SMARCC1: variants seen among roughly 807,000 people sequenced by gnomAD.
SMARCC1 encodes SWI/SNF related BAF chromatin remodeling complex subunit C1.
SMARCC1 carries 43 observed loss-of-function variants against 147.4 expected under a neutral mutation model. The observed-to-expected ratio is 0.29, with a 90% CI of 0.23 to 0.38. The LOEUF (loss-of-function observed/expected upper bound fraction) is 0.38. Ranked by LOEUF, SMARCC1 falls within the 10% of genes least tolerant of loss-of-function variation. SMARCC1 has a pLI of 1.00. For missense variants in SMARCC1, 1,119 were observed against 1,381.1 expected (o/e 0.81, Z 3.01); for synonymous variants, 495 against 484.4 (o/e 1.02, Z -0.29).
chr3:47,704,709 G>C (rs1338342022), intron 10 of SMARCC1, among the ~76,000 whole-genome samples: 1 of 151,988 alleles, frequency 6.6e-6, no homozygotes, highest in Non-Finnish European at 1.5e-5. Flanking sequence ...TTGAGACCAG[G>C]AGTTGGAGAC....
At chr3:47,715,698 A>G (rs80011784) in intron 7 of SMARCC1, among the ~76,000 whole-genome samples, 2,035 of 152,256 alleles carry the variant, frequency 0.013, 46 homozygotes, top group African/African-American at 0.046. Flanking sequence ...AAACCTAACG[A>G]TGGCTTGCCA....
intron 26 of SMARCC1, among the ~76,000 whole-genome samples, chr3:47,605,083 A>T (rs554974698): frequency 6.6e-6 from 1 of 152,356 alleles, no homozygotes; most frequent in Admixed American, 6.5e-5. Flanking sequence ...AAAAGGGGTA[A>T]TTTGGAAAAA....
At chr3:47,608,987 C>A (rs2032523684) in intron 26 of SMARCC1, among the ~76,000 whole-genome samples, 2 of 151,624 alleles carry the variant, frequency 1.3e-5, no homozygotes, top group African/African-American at 4.8e-5. Context: ...CAATCAGGCA[C>A]AGCCACATTG....
intron 11 of SMARCC1, among the ~76,000 whole-genome samples, chr3:47,699,394 C>T (rs2033891365): frequency 6.6e-6 from 1 of 152,122 alleles, no homozygotes; most frequent in Non-Finnish European, 1.5e-5. Flanking sequence ...TTCCTTGCAT[C>T]TTTGTCACCT....
chr3:47,679,825 G>A (rs148450652), intron 15 of SMARCC1, among the ~76,000 whole-genome samples: 5 of 140,552 alleles, frequency 3.6e-5, no homozygotes, highest in Admixed American at 1.6e-4. Context: ...TTGCAACACT[G>A]CACTCCAGTC....
chr3:47,717,883 A>T (rs999631955), intron 7 of SMARCC1, among the ~76,000 whole-genome samples: 3 of 152,028 alleles, frequency 2.0e-5, no homozygotes, highest in Admixed American at 6.6e-5. Context: ...TTTTATATTA[A>T]GGAACTGTTT....
Position 47,656,391 on chromosome 3 carries a change from C to T in SMARCC1, c.2320+4903G>A, listed in dbSNP as rs143165056. On this transcript the variant is annotated intron_variant, in intron 21 of 27. Coordinates refer to ENST00000254480, the MANE Select transcript of SMARCC1 (RefSeq NM_003074.4). ...AACAGCACTAGTAAACAATACATTA[C>T]AGAAAGTATCTAATAATACCTGTTC... Among the ~76,000 whole-genome samples the T allele has an allele frequency of 2.6e-5, 4 of 152,318 alleles. No individual in the cohort carries two copies. In the East Asian group the frequency reaches 7.7e-4, roughly 29 times the overall value.
intron 26 of SMARCC1, among the ~76,000 whole-genome samples, chr3:47,598,783 A>G (rs2103075): frequency 0.91 from 132,359 of 146,130 alleles, 61,516 homozygotes; most frequent in East Asian, 1. Context: ...AGCTGAGATC[A>G]CGCCACTGCA....
chr3:47,700,891 A>C (rs2033909109), intron 11 of SMARCC1, among the ~76,000 whole-genome samples: 1 of 152,244 alleles, frequency 6.6e-6, no homozygotes, highest in Non-Finnish European at 1.5e-5. Context: ...ACTAAGGTTC[A>C]TCACACTTAG....
intron 2 of SMARCC1, among the ~76,000 whole-genome samples, chr3:47,754,694 G>C (rs559054970): frequency 6.6e-6 from 1 of 151,878 alleles, no homozygotes; most frequent in African/African-American, 2.4e-5. Flanking sequence ...AAAAATCAAA[G>C]GGAGGAAAAA....
intron 15 of SMARCC1, 127 bp downstream of exon 15, chr3:47,680,310 T>C: frequency 6.9e-6 from 5 of 724,576 alleles, no homozygotes; most frequent in East Asian, 2.6e-5. Context: ...AAATGAGATA[T>C]GAACACTGTT....
At chr3:47,690,002 T>C (rs1345685479) in intron 12 of SMARCC1, among the ~76,000 whole-genome samples, 10 of 152,168 alleles carry the variant, frequency 6.6e-5, no homozygotes, top group Non-Finnish European at 1.5e-4. Context: ...GCCTGTAATA[T>C]TTAAGCTTTT....
intron 21 of SMARCC1, among the ~76,000 whole-genome samples, chr3:47,641,948 T>C (rs1018542630): frequency 2.6e-5 from 4 of 152,132 alleles, no homozygotes; most frequent in Non-Finnish European, 4.4e-5. Flanking sequence ...ATTTTGTTTA[T>C]TTTTTGATAG....
chr3:47,703,081 T>C (rs1204544373), intron 10 of SMARCC1, among the ~76,000 whole-genome samples: 1 of 152,036 alleles, frequency 6.6e-6, no homozygotes, highest in African/African-American at 2.4e-5. Context: ...GGGCGCTCAA[T>C]CACGCACCGG....
At chr3:47,603,137 T>C (rs1559623392) in intron 26 of SMARCC1, among the ~76,000 whole-genome samples, 1 of 151,588 alleles carries the variant, frequency 6.6e-6, no homozygotes, top group Non-Finnish European at 1.5e-5. Flanking sequence ...TTAAAGGAGA[T>C]CCCGCCGGGT....
intron 26 of SMARCC1, among the ~76,000 whole-genome samples, chr3:47,609,389 C>T (rs200156596): frequency 2.6e-5 from 4 of 151,102 alleles, no homozygotes; most frequent in African/African-American, 4.9e-5. Flanking sequence ...CCCAGCTACT[C>T]GGGAGGCTGA....
intron 24 of SMARCC1, among the ~76,000 whole-genome samples, chr3:47,628,770 T>G (rs2032847368): frequency 6.6e-6 from 1 of 152,178 alleles, no homozygotes; most frequent in Non-Finnish European, 1.5e-5. Context: ...TTCACCGTGT[T>G]GGCCAGGCTG....
At chr3:47,597,083 A>G (rs2032296135) in intron 26 of SMARCC1, among the ~76,000 whole-genome samples, 1 of 149,900 alleles carries the variant, frequency 6.7e-6, no homozygotes. Flanking sequence ...AGGCTGAGGC[A>G]GGAGTTGCAG....
At chr3:47,634,255 G>C (rs2032938430) in intron 24 of SMARCC1, among the ~76,000 whole-genome samples, 1 of 152,140 alleles carries the variant, frequency 6.6e-6, no homozygotes, top group Admixed American at 6.5e-5. Flanking sequence ...GTAACTCTCT[G>C]GGTTGACTGA....
Sources: gnomAD v4.1 joint callset for allele counts (sites outside exome capture counted in the v4.1 genomes callset) on GRCh38, gnomAD v4.1.1 for gene constraint, MANE v1.5 for transcripts, NCBI Gene and HGNC (gene_info 2026-07-23, HGNC 2026-07-21) for gene names.